TRPS1: variants seen among roughly 807,000 people sequenced by gnomAD.
TRPS1 encodes transcriptional repressor GATA binding 1.
A neutral mutation model predicts 101.2 loss-of-function variants in TRPS1; 6 were observed. The ratio of observed to expected loss-of-function variants is 0.06; its 90% confidence interval spans 0.03 to 0.12. The LOEUF is 0.12. TRPS1 is among the 10% of genes least tolerant of loss of function. The probability of loss-of-function intolerance (pLI) is 1.00; values close to 1 mark genes in which losing one functional copy is unlikely to be tolerated. For missense variants in TRPS1, 1,363 were observed against 1,567.0 expected, an observed-to-expected ratio of 0.87 and a Z score of 2.20; for synonymous variants, 578 against 589.8, an observed-to-expected ratio of 0.98 and a Z score of 0.29.
At chr8:115,480,803 A>G (rs185775374) in intron 5 of TRPS1, among the ~76,000 whole-genome samples, 1 of 152,234 alleles carries the variant, frequency 6.6e-6, no homozygotes, top group East Asian at 1.9e-4. Context: ...TGAAGTGCCA[A>G]TCTAGCATAA....
intron 5 of TRPS1, among the ~76,000 whole-genome samples, chr8:115,564,640 GGCC>G (rs1190500953): frequency 2.0e-5 from 3 of 151,950 alleles, no homozygotes; most frequent in Non-Finnish European, 4.4e-5. Context: ...ATACCGTATG[GGCC>G]GCCAATTATT....
intron 5 of TRPS1, among the ~76,000 whole-genome samples, chr8:115,559,278 G>T (rs2130363365): frequency 6.6e-6 from 1 of 152,130 alleles, no homozygotes; most frequent in East Asian, 1.9e-4. Context: ...TTGAAATATT[G>T]ATACAAAAGT....
intron 4 of TRPS1, among the ~76,000 whole-genome samples, chr8:115,588,981 T>C (rs1586433176): frequency 6.6e-6 from 1 of 152,102 alleles, no homozygotes; most frequent in Non-Finnish European, 1.5e-5. Context: ...GAGTGACAGG[T>C]GCTAAGAATG....
chr8:115,666,582 A>G (rs946698969), intron 1 of TRPS1, among the ~76,000 whole-genome samples: 4 of 152,218 alleles, frequency 2.6e-5, no homozygotes, highest in South Asian at 2.1e-4. Context: ...GGCTGCCCGC[A>G]TGACTTTCCT....
chr8:115,576,319 C>A (rs2049865), intron 5 of TRPS1, among the ~76,000 whole-genome samples: 103,406 of 149,936 alleles, frequency 0.69, 36,173 homozygotes, highest in African/African-American at 0.84. Flanking sequence ...AGATATAGAT[C>A]TAGATCTTTG....
chr8:115,601,934 A>C (rs1236590688), intron 4 of TRPS1, among the ~76,000 whole-genome samples: 1 of 152,172 alleles, frequency 6.6e-6, no homozygotes. Context: ...TTTTCTCTAG[A>C]GCTTACTTTC....
chr8:115,522,886 G>T (rs1264975116), intron 5 of TRPS1, among the ~76,000 whole-genome samples: 2 of 151,958 alleles, frequency 1.3e-5, no homozygotes, highest in African/African-American at 2.4e-5. Context: ...TGAGTTTTTT[G>T]TTGTTGTTGT....
chr8:115,620,091 G>C, intron 2 of TRPS1, 31 bp from the exon 3 acceptor site: 1 of 1,600,770 alleles, frequency 6.2e-7, no homozygotes, highest in African/African-American at 1.3e-5. Flanking sequence ...GGCAGATACA[G>C]TGTTATCTGA....
At chr8:115,495,973 T>C (rs1403715520) in intron 5 of TRPS1, among the ~76,000 whole-genome samples, 1 of 152,150 alleles carries the variant, frequency 6.6e-6, no homozygotes, top group Non-Finnish European at 1.5e-5. Context: ...TTTCCAATTG[T>C]CACTTTATAT....
Position 115,604,292 on chromosome 8 carries a change from A to G in TRPS1, c.1677T>C (p.Leu559=). 1 of 1,614,104 alleles carries G rather than the reference A, an allele frequency of 6.2e-7. No individual in the cohort carries two copies. Residue 559 remains leucine, a synonymous_variant, in exon 4 of 7, where the codon CTT becomes CTC. Transcript: ENST00000395715. This position sits in a 1 kb window ranked among gnomAD's most constrained non-coding sequence, Gnocchi z 4.1. ...HGPDVIVVGP[L]LRHYQQLHNI... ...TATGGAGCTGTTGATAATGACGGAG[A>G]AGTGGCCCCACTACAATTACATCAG...
At chr8:115,575,236 T>TCTAGGACAA (rs1227732077) in intron 5 of TRPS1, among the ~76,000 whole-genome samples, 4 of 152,148 alleles carry the variant, frequency 2.6e-5, no homozygotes, top group Admixed American at 2.0e-4. Flanking sequence ...AGACAGTTTT[T>TCTAGGACAA]CTAGGACAAC....
chr8:115,625,564 C>G (rs943101464), intron 1 of TRPS1, among the ~76,000 whole-genome samples: 2 of 151,782 alleles, frequency 1.3e-5, no homozygotes, highest in Admixed American at 6.6e-5. Flanking sequence ...TAAATATATC[C>G]AACCTCAGTT....
chr8:115,601,100 G>A (rs1446818448), intron 4 of TRPS1, among the ~76,000 whole-genome samples: 2 of 152,048 alleles, frequency 1.3e-5, no homozygotes, highest in Non-Finnish European at 2.9e-5. Flanking sequence ...CTGCTTCTCA[G>A]CTATAGTCAT....
At chr8:115,466,684 A>G (rs1284993706) in intron 5 of TRPS1, among the ~76,000 whole-genome samples, 2 of 152,226 alleles carry the variant, frequency 1.3e-5, no homozygotes, top group East Asian at 3.9e-4. Flanking sequence ...GAGCTCAATT[A>G]ACACACAGCC....
intron 5 of TRPS1, among the ~76,000 whole-genome samples, chr8:115,441,896 A>AGTGTGTGTGTGT (rs1459432091): frequency 2.3e-5 from 3 of 133,160 alleles, no homozygotes; most frequent in Admixed American, 7.4e-5. Flanking sequence ...AGAGAGAGAG[A>AGTGTGTGTGTGT]GAGTGTGTGT....
intron 5 of TRPS1, among the ~76,000 whole-genome samples, chr8:115,475,266 T>TTTTATATATATATA (rs1416101277): frequency 8.1e-6 from 1 of 124,004 alleles, no homozygotes; most frequent in African/African-American, 3.5e-5. Context: ...TGAATCACAG[T>TTTTATATATATATA]TATATATATA....
chr8:115,513,505 TA>T (rs1410159249), intron 5 of TRPS1, among the ~76,000 whole-genome samples: 1 of 151,814 alleles, frequency 6.6e-6, no homozygotes, highest in African/African-American at 2.4e-5. Flanking sequence ...CTATCCATTG[TA>T]AAGGCTTTTA....
intron 1 of TRPS1, among the ~76,000 whole-genome samples, chr8:115,660,830 G>T (rs1266464702): frequency 2.6e-5 from 4 of 151,898 alleles, no homozygotes; most frequent in African/African-American, 7.2e-5. Flanking sequence ...TACCAAAGTT[G>T]TTGTATTGTG....
chr8:115,419,754 A>T (rs1044557403), intron 5 of TRPS1, among the ~76,000 whole-genome samples: 1 of 152,210 alleles, frequency 6.6e-6, no homozygotes, highest in Non-Finnish European at 1.5e-5. Flanking sequence ...ACAATGTATC[A>T]CTAAAAAGAC....
Sources: allele counts gnomAD v4.1 joint callset (sites outside exome capture counted in the v4.1 genomes callset), GRCh38; gene constraint gnomAD v4.1.1; non-coding constraint Gnocchi (gnomAD v3.1); transcripts MANE v1.5; gene names NCBI Gene and HGNC (gene_info 2026-07-23, HGNC 2026-07-21).